QKI: variants seen among roughly 807,000 people sequenced by gnomAD.
The protein encoded by QKI is KH domain-containing RNA-binding protein QKI.
QKI carries 10 observed loss-of-function variants against 39.0 expected under a neutral mutation model. The ratio of observed to expected loss-of-function variants is 0.26; its 90% confidence interval spans 0.16 to 0.43. The LOEUF is 0.43. Among genes scored for constraint, QKI ranks in the 20% least tolerant of loss-of-function variants. QKI has a pLI of 1.00. For missense variants in QKI, 218 were observed against 428.0 expected, an observed-to-expected ratio of 0.51 and a Z score of 4.33; for synonymous variants, 204 against 155.4, an observed-to-expected ratio of 1.31 and a Z score of -2.33.
intron 4 of QKI, among the ~76,000 whole-genome samples, chr6:163,547,794 A>C (rs987194766): frequency 6.6e-6 from 1 of 152,066 alleles, no homozygotes; most frequent in East Asian, 1.9e-4. Context: ...CCACAGATGG[A>C]GTAGGTCTGT....
intron 1 of QKI, among the ~76,000 whole-genome samples, chr6:163,417,254 TTTG>T (rs1248794924): frequency 6.6e-6 from 1 of 152,108 alleles, no homozygotes; most frequent in Non-Finnish European, 1.5e-5. Context: ...CTGGTGAAAG[TTTG>T]TTTTCTTGAG....
chr6:163,559,442 T>TGAA (rs33998179), intron 4 of QKI, among the ~76,000 whole-genome samples: 127,453 of 151,912 alleles, frequency 0.84, 54,044 homozygotes, highest in East Asian at 1. Flanking sequence ...GCAAATAAGT[T>TGAA]GAAGTTTTAT....
chr6:163,469,903 A>G (rs1035811763), intron 2 of QKI, among the ~76,000 whole-genome samples: 1 of 152,172 alleles, frequency 6.6e-6, no homozygotes, highest in Non-Finnish European at 1.5e-5. Context: ...ATACTACCTT[A>G]TGTCAATTCT....
At chr6:163,460,141 T>G (rs894667099) in intron 2 of QKI, among the ~76,000 whole-genome samples, 1 of 152,218 alleles carries the variant, frequency 6.6e-6, no homozygotes, top group African/African-American at 2.4e-5. Flanking sequence ...GTTAAATACA[T>G]GAACAGATTA....
intron 3 of QKI, among the ~76,000 whole-genome samples, chr6:163,514,259 A>G (rs985616337): frequency 6.6e-6 from 1 of 152,144 alleles, no homozygotes; most frequent in Non-Finnish European, 1.5e-5. Context: ...AGAATAGGTG[A>G]CACACTGTAA....
At chr6:163,500,352 T>TGAGG (rs1267967051) in intron 3 of QKI, among the ~76,000 whole-genome samples, 1 of 152,190 alleles carries the variant, frequency 6.6e-6, no homozygotes, top group Non-Finnish European at 1.5e-5. Context: ...TTGCAGTTGT[T>TGAGG]GAGGCAAGAG....
chr6:163,508,174 G>A (rs1779213993), intron 3 of QKI, among the ~76,000 whole-genome samples: 1 of 152,018 alleles, frequency 6.6e-6, no homozygotes, highest in Admixed American at 6.6e-5. Context: ...ATGTATAATT[G>A]GAGTCTTAGA....
At chr6:163,422,187 G>C (rs1001879376) in intron 1 of QKI, among the ~76,000 whole-genome samples, 16 of 151,958 alleles carry the variant, frequency 1.1e-4, no homozygotes, top group African/African-American at 3.6e-4. Context: ...GAAAAGGACT[G>C]CACTTAATGT....
intron 1 of QKI, among the ~76,000 whole-genome samples, chr6:163,425,695 CTT>C (rs1321140172): frequency 2.0e-5 from 3 of 152,056 alleles, no homozygotes; most frequent in Non-Finnish European, 1.5e-5. Context: ...AGAAACAAGT[CTT>C]TGTTTTCCTT....
intron 1 of QKI, among the ~76,000 whole-genome samples, chr6:163,425,475 T>C (rs1459849991): frequency 6.6e-6 from 1 of 150,546 alleles, no homozygotes; most frequent in East Asian, 1.9e-4. Context: ...ATGAACTCTT[T>C]GTGCATAAAC....
rs534533222 is a variant in QKI, at chr6:163,493,899, C to CTTA, written c.402+15005_402+15007dup. 3.6e-4 allele frequency among the ~76,000 whole-genome samples: 55 copies of CTTA among 152,056 alleles called. No individual in the cohort carries two copies. The East Asian group carries it at 7.5e-3, about 21-fold the overall frequency. On this transcript the variant is annotated intron_variant, in intron 3 of 7. Coordinates refer to ENST00000361752, the MANE Select transcript of QKI (RefSeq NM_006775.3). ...ATACTTCTGGTTAACAAGGTTAAAGCTTATCTGTTTCACTTGTTTATTGCC... is the reference window on the plus strand; with the variant it reads ...ATACTTCTGGTTAACAAGGTTAAAGCTTATTATCTGTTTCACTTGTTTATTGCC...
At chr6:163,516,435 T>C (rs1009009064) in intron 3 of QKI, among the ~76,000 whole-genome samples, 2 of 152,062 alleles carry the variant, frequency 1.3e-5, no homozygotes, top group Non-Finnish European at 2.9e-5. Flanking sequence ...GCTGGGACTA[T>C]AGGCGCACAC....
intron 3 of QKI, among the ~76,000 whole-genome samples, chr6:163,481,989 G>T (rs1347364942): frequency 2.6e-5 from 4 of 152,034 alleles, no homozygotes; most frequent in African/African-American, 9.7e-5. Flanking sequence ...GACCAACAAG[G>T]TCAACATAGT....
Position 163,492,008 on chromosome 6 carries a change from T to C in QKI, c.402+13112T>C, listed in dbSNP as rs1225470289. Among the ~76,000 whole-genome samples, 3 of 152,208 alleles carry C rather than the reference T, an allele frequency of 2.0e-5. No individual in the cohort carries two copies. The East Asian group carries it at 5.8e-4, about 29-fold the overall frequency. On this transcript the variant is annotated intron_variant, in intron 3 of 7. Coordinates refer to ENST00000361752, the MANE Select transcript of QKI (RefSeq NM_006775.3). ...CTTTTAAAATTAAGTCTTGATTGGA[T>C]TGCAGTCAATTTCGTTAAGGAATAT...
intron 4 of QKI, among the ~76,000 whole-genome samples, chr6:163,536,280 A>AAT (rs1454441702): frequency 5.9e-5 from 9 of 152,186 alleles, no homozygotes; most frequent in African/African-American, 1.7e-4. Context: ...AACTGTATAG[A>AAT]AAAGGAGATT....
chr6:163,567,930 C>A, intron 7 of QKI: 1 of 985,268 alleles, frequency 1.0e-6, no homozygotes, highest in Non-Finnish European at 1.2e-6. Flanking sequence ...TTGTCCACAT[C>A]AGAAATAACA....
intron 1 of QKI, among the ~76,000 whole-genome samples, chr6:163,433,446 TA>T (rs1788994474): frequency 6.6e-6 from 1 of 152,086 alleles, no homozygotes; most frequent in South Asian, 2.1e-4. Flanking sequence ...CCTAACAGTA[TA>T]AATATGAACC....
chr6:163,555,509 CAAAAAAAAAAAA>C (rs55958646), intron 4 of QKI, among the ~76,000 whole-genome samples: 5 of 79,392 alleles, frequency 6.3e-5, no homozygotes, highest in African/African-American at 2.6e-4. Flanking sequence ...AACTCCAGCT[CAAAAAAAAAAAA>C]AAAAAAAAAG....
chr6:163,441,897 T>C (rs1040330509), intron 1 of QKI, among the ~76,000 whole-genome samples: 1 of 152,172 alleles, frequency 6.6e-6, no homozygotes, highest in Non-Finnish European at 1.5e-5. Flanking sequence ...AAGGGGAGCC[T>C]GTGTGGATGC....
Sources: allele counts gnomAD v4.1 joint callset (sites outside exome capture counted in the v4.1 genomes callset), GRCh38; gene constraint gnomAD v4.1.1; transcripts MANE v1.5; gene names NCBI Gene and HGNC (gene_info 2026-07-23, HGNC 2026-07-21).